SEMA4D: variants seen among roughly 807,000 people sequenced by gnomAD.
SEMA4D encodes semaphorin 4D.
Under a neutral mutation model 74.8 loss-of-function variants are expected in SEMA4D, and 22 were observed. The observed-to-expected ratio is 0.29, with a 90% confidence interval of 0.21 to 0.42. The LOEUF (loss-of-function observed/expected upper bound fraction) is 0.42, where lower values mean the gene tolerates loss of function less well. SEMA4D is among the 10% of genes least tolerant of loss of function. The pLI, the probability that SEMA4D is intolerant of heterozygous loss-of-function variation, is 1.00. For synonymous variants in SEMA4D, 445 were observed against 463.7 expected (o/e 0.96, Z 0.52); for missense variants, 937 against 1,118.4 (o/e 0.84, Z 2.31).
At position 89,381,065 on chromosome 9, in the gene SEMA4D, A is replaced by C; in HGVS notation, c.1653T>G (p.Ser551=). ...GLIQEMSGDA[S]VCPDKSKGSY... Reference sequence around the variant, plus strand: ...CGAGGAGTCACTCACCCGGGCACACAGAAGCATCGCCGCTCATCTCCTGAA... The same window carrying C: ...CGAGGAGTCACTCACCCGGGCACACCGAAGCATCGCCGCTCATCTCCTGAA... The change falls in exon 15 of 16, where the codon TCT becomes TCG. Residue 551 remains serine, a synonymous_variant. Transcript: ENST00000422704. This position sits in a 1 kb window ranked among gnomAD's most constrained non-coding sequence, Gnocchi z 4.6. 6.2e-7 allele frequency: 1 copy of C among 1,614,140 alleles called. No individual in the cohort carries two copies. The highest frequency in any genetic ancestry group is 8.5e-7 in the Non-Finnish European group (1 of 1,180,040).
At chr9:89,380,873 T>G (rs918840484) in intron 15 of SEMA4D, among the ~76,000 whole-genome samples, 182 bp downstream of exon 15, 1 of 152,154 alleles carries the variant, frequency 6.6e-6, no homozygotes, top group Non-Finnish European at 1.5e-5. Context: ...TGGCTTCAAG[T>G]ACTCTTTCGG....
At chr9:89,460,222 C>G (rs900566924) in intron 1 of SEMA4D, among the ~76,000 whole-genome samples, 4 of 152,248 alleles carry the variant, frequency 2.6e-5, no homozygotes, top group Non-Finnish European at 5.9e-5. Flanking sequence ...AGTGCAGCCC[C>G]TCCTGAGAAA....
chr9:89,452,707 C>A (rs1034745363), intron 2 of SEMA4D, among the ~76,000 whole-genome samples: 2 of 152,254 alleles, frequency 1.3e-5, no homozygotes, highest in Non-Finnish European at 2.9e-5. Flanking sequence ...CCCACCTCGG[C>A]CTCCCAAAGT....
At chr9:89,464,325 G>C (rs1488570496) in intron 1 of SEMA4D, among the ~76,000 whole-genome samples, 1 of 152,176 alleles carries the variant, frequency 6.6e-6, no homozygotes, top group Non-Finnish European at 1.5e-5. Context: ...CCTGCCTTCC[G>C]ACCTGGGTTT....
chr9:89,454,581 G>C (rs557770376), intron 2 of SEMA4D, among the ~76,000 whole-genome samples: 1 of 152,198 alleles, frequency 6.6e-6, no homozygotes, highest in Non-Finnish European at 1.5e-5. Context: ...AGCCGGAAAC[G>C]AGAGACCTGC....
At chr9:89,434,439 T>C (rs140561291) in intron 2 of SEMA4D, among the ~76,000 whole-genome samples, 254 of 152,318 alleles carry the variant, frequency 1.7e-3, no homozygotes, top group African/African-American at 5.8e-3. Flanking sequence ...AAGCTTCATG[T>C]ATGTAAAAAT....
chr9:89,361,418 G>A (rs1832753111), exon 19 of SEMA4D: 1 of 152,164 alleles, frequency 6.6e-6, no homozygotes, highest in Non-Finnish European at 1.5e-5. Context: ...TTTAACAGAG[G>A]CTTTGGTTTT....
intron 1 of SEMA4D, among the ~76,000 whole-genome samples, chr9:89,457,082 A>C (rs7034594): frequency 0.93 from 141,484 of 152,228 alleles, 66,253 homozygotes; most frequent in Non-Finnish European, 1. Context: ...ACTGAAGGGA[A>C]AAGCTGTTCG....
intron 2 of SEMA4D, among the ~76,000 whole-genome samples, chr9:89,441,189 A>G (rs537644731): frequency 6.6e-6 from 1 of 152,328 alleles, no homozygotes; most frequent in South Asian, 2.1e-4. Flanking sequence ...AGCCACCCAC[A>G]TTGAAAGATC....
At chr9:89,452,178 T>TTTTG (rs1331573351) in intron 2 of SEMA4D, among the ~76,000 whole-genome samples, 1 of 65,944 alleles carries the variant, frequency 1.5e-5, no homozygotes, top group Non-Finnish European at 3.0e-5. Context: ...TCTTGGTTTT[T>TTTTG]TTTGTTTTTT....
In SEMA4D at chr9:89,386,455, C is replaced by T. The variant is rs1362188022; in HGVS notation, c.1358G>A (p.Ser453Asn). The change falls in exon 13 of 16, where the codon AGC (serine) becomes AAC (asparagine). Residue 453 changes from serine (S) to asparagine (N), a missense_variant. Coordinates refer to ENST00000422704, the MANE Select transcript of SEMA4D (RefSeq NM_001371194.2). ...GATGATGTGAACAGCGTGCTCGAGG[C>T]TGATGGCTTTGTGCAGAGCTCCCCG... is the stretch of plus-strand genomic sequence containing the variant. ...TDRGALHKAI[S>N]LEHAVHIIEE... is the part of the protein sequence containing the mutation. The T allele has an allele frequency of 6.2e-7, 1 of 1,614,080 alleles. No homozygotes were observed. The highest frequency in any genetic ancestry group is 1.3e-5 in the African/African-American group (1 of 75,038).
chr9:89,402,879 G>T lies in SEMA4D; in HGVS notation c.244C>A (p.Gln82Lys). 2 of 1,613,536 alleles carry T rather than the reference G, an allele frequency of 1.2e-6. No individual in the cohort carries two copies. Among genetic ancestry groups the T allele is most frequent in the Non-Finnish European group, 1.7e-6 (2 of 1,179,522 alleles). ...GGGAGCCCAGGACGTACCTCATGCT[G>T]CTTCTCGGAGATGTTGAGTGCGTTC... ...AVNALNISEK[Q>K]HEVYWKVSED... The change falls in exon 4 of 16, where the codon CAG (glutamine) becomes AAG (lysine). Residue 82 changes from glutamine (Q) to lysine (K), a missense_variant. Transcript: ENST00000422704.
chr9:89,370,993 G>T, intron 16 of SEMA4D, among the ~76,000 whole-genome samples: 1 of 139,682 alleles, frequency 7.2e-6, no homozygotes, highest in Non-Finnish European at 1.6e-5. Context: ...AGCTGTGTCA[G>T]GGGTATGTCG....
chr9:89,411,977 T>G (rs1384146742), intron 2 of SEMA4D, among the ~76,000 whole-genome samples: 1 of 152,228 alleles, frequency 6.6e-6, no homozygotes, highest in Non-Finnish European at 1.5e-5. Flanking sequence ...CAGGCTGCCT[T>G]GCAGCCTTGG....
intron 12 of SEMA4D, chr9:89,387,181 C>T: frequency 1.8e-6 from 1 of 555,798 alleles, no homozygotes; most frequent in Non-Finnish European, 3.2e-6. Context: ...TAACAAGTAC[C>T]TCCAGTAGCC....
At chr9:89,452,188 T>TG (rs1437593549) in intron 2 of SEMA4D, among the ~76,000 whole-genome samples, 1 of 147,224 alleles carries the variant, frequency 6.8e-6, no homozygotes, top group East Asian at 2.0e-4. Flanking sequence ...TTTTGTTTTT[T>TG]TTTTTTTTGA....
chr9:89,461,705 T>C (rs1227106065), intron 1 of SEMA4D, among the ~76,000 whole-genome samples: 7 of 123,298 alleles, frequency 5.7e-5, no homozygotes, highest in African/African-American at 1.7e-4. Flanking sequence ...TTTCTCTTTT[T>C]TTTTTTTTTT....
At chr9:89,387,662 G>T in intron 11 of SEMA4D, 54 bp from the exon 12 acceptor site, 2 of 1,533,442 alleles carry the variant, frequency 1.3e-6, no homozygotes, top group South Asian at 1.1e-5. Context: ...CACGCAACGG[G>T]TGCTTCCACA....
At chr9:89,477,840 T>G (rs1862154445) in intron 1 of SEMA4D, among the ~76,000 whole-genome samples, 2 of 152,214 alleles carry the variant, frequency 1.3e-5, no homozygotes, top group African/African-American at 4.8e-5. Flanking sequence ...CTGTTCACAC[T>G]AAATATCCAA....
Sources: allele counts gnomAD v4.1 joint callset (sites outside exome capture counted in the v4.1 genomes callset), GRCh38; gene constraint gnomAD v4.1.1; non-coding constraint Gnocchi (gnomAD v3.1); transcripts MANE v1.5; gene names NCBI Gene and HGNC (gene_info 2026-07-23, HGNC 2026-07-21).